PCDHGA6: variants seen among roughly 807,000 people sequenced by gnomAD.
The protein encoded by PCDHGA6 is protocadherin gamma-A6.
PCDHGA6 carries 41 observed loss-of-function variants against 60.6 expected under a neutral mutation model. The ratio of observed to expected loss-of-function variants is 0.68; its 90% CI spans 0.53 to 0.88. The LOEUF is 0.88. PCDHGA6 is among the 40% of genes least tolerant of loss of function. The pLI, the probability that PCDHGA6 is intolerant of heterozygous loss-of-function variation, is 0.00. For missense variants in PCDHGA6, 1,312 were observed against 1,203.0 expected (o/e 1.09, Z -1.34); for synonymous variants, 594 against 524.4 (o/e 1.13, Z -1.81).
intron 3 of PCDHGA6, among the ~76,000 whole-genome samples, chr5:141,506,454 A>G (rs2099853946): frequency 6.6e-6 from 1 of 151,844 alleles, no homozygotes; most frequent in African/African-American, 2.4e-5. Context: ...CAAAAAAAAA[A>G]AAAAAAAAAA....
intron 1 of PCDHGA6, among the ~76,000 whole-genome samples, chr5:141,450,304 T>C (rs759506660): frequency 1.3e-5 from 2 of 151,906 alleles, no homozygotes; most frequent in African/African-American, 2.4e-5. Flanking sequence ...TGAGCCACCA[T>C]GTGTGGCCTA....
chr5:141,452,701 G>A (rs2098747163), intron 1 of PCDHGA6, among the ~76,000 whole-genome samples: 1 of 151,838 alleles, frequency 6.6e-6, no homozygotes, highest in Non-Finnish European at 1.5e-5. Context: ...TGTCAAGAAA[G>A]AAAGGAAGGA....
At chr5:141,405,804 C>T (rs1277295024) in intron 1 of PCDHGA6, among the ~76,000 whole-genome samples, 1 of 146,338 alleles carries the variant, frequency 6.8e-6, no homozygotes, top group Non-Finnish European at 1.5e-5. Context: ...AGTTAGCTTT[C>T]TCTTTAACTG....
chr5:141,505,343 G>C (rs2099845454), intron 2 of PCDHGA6, 50 bp from the exon 3 acceptor site: 1 of 1,612,934 alleles, frequency 6.2e-7, no homozygotes, highest in Non-Finnish European at 8.5e-7. Context: ...GGAGGGGCAT[G>C]AGCTGTGCCG....
rs752660538 is a variant in PCDHGA6 at position 141,486,495 on chromosome 5, T to C, written c.2425-8312T>C. 1 of 1,614,074 alleles carries C rather than the reference T, an allele frequency of 6.2e-7. No individual in the cohort carries two copies. The highest frequency in any genetic ancestry group is 8.5e-7 in the Non-Finnish European group (1 of 1,179,922). On this transcript the variant is annotated intron_variant, in intron 1 of 3. Transcript: ENST00000517434. The surrounding 1 kb of genome is among the most constrained non-coding windows in gnomAD (Gnocchi z 5.0). ...CCTCCTCTCAGTACCCACAGAACTA[T>C]TTTCCTCAATATTTCAGATGTGAAT...
At position 141,476,456 on chromosome 5, in the gene PCDHGA6, A is replaced by C; in HGVS notation, c.2425-18351A>C. The C allele has an allele frequency of 6.2e-7, 1 of 1,614,058 alleles. No homozygotes were observed. Among genetic ancestry groups the C allele is most frequent in the Non-Finnish European group, 8.5e-7 (1 of 1,180,010 alleles). On this transcript the variant is annotated intron_variant, in intron 1 of 3. Transcript: ENST00000517434. The surrounding 1 kb of genome is among the most constrained non-coding windows in gnomAD (Gnocchi z 7.6). ...TGTAACTCTGGAGTTGGTAGTGGAGAACCCGCTGGAGCTGTTCAGCGTGGA... is the reference window on the plus strand; with the variant it reads ...TGTAACTCTGGAGTTGGTAGTGGAGCACCCGCTGGAGCTGTTCAGCGTGGA...
chr5:141,433,837 CAAA>C (rs56191208), intron 1 of PCDHGA6, among the ~76,000 whole-genome samples: 5 of 111,684 alleles, frequency 4.5e-5, no homozygotes, highest in Admixed American at 2.0e-4. Flanking sequence ...AACTCTATCT[CAAA>C]AAAAAAAAAA....
At chr5:141,395,036 G>A in intron 1 of PCDHGA6, 2 of 1,614,110 alleles carry the variant, frequency 1.2e-6, no homozygotes, top group Non-Finnish European at 8.5e-7. Context: ...CACATTTTGT[G>A]GGTGTTGAGG....
At chr5:141,410,419 T>TC (rs769125626) in intron 1 of PCDHGA6, 49 of 1,613,886 alleles carry the variant, frequency 3.0e-5, no homozygotes, top group Non-Finnish European at 3.6e-5. Context: ...GACCTGTAGT[T>TC]CCCCCCAACT....
chr5:141,415,684 A>G, intron 1 of PCDHGA6: 2 of 1,437,842 alleles, frequency 1.4e-6, no homozygotes, highest in Non-Finnish European at 1.9e-6. Flanking sequence ...TTGCGGCATG[A>G]TGGTGGAAAG....
chr5:141,390,275 C>G, intron 1 of PCDHGA6: 1 of 1,613,976 alleles, frequency 6.2e-7, no homozygotes, highest in Non-Finnish European at 8.5e-7. Context: ...AATTGACTTC[C>G]CATCAGGTGA....
At chr5:141,509,334 G>A (rs1184232270) in intron 3 of PCDHGA6, among the ~76,000 whole-genome samples, 1 of 152,186 alleles carries the variant, frequency 6.6e-6, no homozygotes, top group Non-Finnish European at 1.5e-5. Flanking sequence ...ACTGCCAGCT[G>A]GGCCTGGGCT....
chr5:141,399,056 A>G (rs945298198), intron 1 of PCDHGA6: 24 of 1,613,834 alleles, frequency 1.5e-5, no homozygotes, highest in African/African-American at 1.2e-4. Flanking sequence ...GAGACCAAGG[A>G]ATATTCAATG....
At chr5:141,438,591 C>CATATATATAT (rs946798767) in intron 1 of PCDHGA6, among the ~76,000 whole-genome samples, 17 of 75,552 alleles carry the variant, frequency 2.3e-4, no homozygotes, top group Non-Finnish European at 3.8e-4. Context: ...TACATACATA[C>CATATATATAT]ATATATATAT....
rs529029548 is a variant in PCDHGA6 at position 141,483,337 on chromosome 5, T to C, written c.2425-11470T>C. 9.2e-5 allele frequency among the ~76,000 whole-genome samples: 14 copies of C among 152,260 alleles called. No homozygotes were observed. In the East Asian group the frequency reaches 2.5e-3, roughly 27 times the overall value. On this transcript the variant is annotated intron_variant, in intron 1 of 3. Transcript: ENST00000517434. Reference sequence around the variant, plus strand: ...TGGGACTGGAGGCAAAGAGATCTTATCTCTTTGCAATAGTTTGAAAGCTAT... The same window carrying C: ...TGGGACTGGAGGCAAAGAGATCTTACCTCTTTGCAATAGTTTGAAAGCTAT...
chr5:141,413,880 T>G, intron 1 of PCDHGA6: 1 of 1,613,420 alleles, frequency 6.2e-7, no homozygotes, highest in Non-Finnish European at 8.5e-7. Flanking sequence ...TCAGTGTGAC[T>G]GTCTTCGATG....
At chr5:141,429,164 G>A (rs2097189096) in intron 1 of PCDHGA6, 1 of 131,392 alleles carries the variant, frequency 7.6e-6, no homozygotes, top group African/African-American at 3.1e-5. Flanking sequence ...CGGAGACATT[G>A]TTTATACACA....
At chr5:141,436,793 C>T (rs752376420) in intron 1 of PCDHGA6, among the ~76,000 whole-genome samples, 4 of 152,178 alleles carry the variant, frequency 2.6e-5, no homozygotes, top group Non-Finnish European at 5.9e-5. Flanking sequence ...TAAAACTGTT[C>T]TAAAATTTTT....
At chr5:141,413,357 G>A (rs2095629700) in intron 1 of PCDHGA6, 2 of 1,613,874 alleles carry the variant, frequency 1.2e-6, no homozygotes, top group South Asian at 1.1e-5. Flanking sequence ...CTGGCGCCCC[G>A]GGAGCTGGCG....
Sources: gnomAD v4.1 joint callset for allele counts (sites outside exome capture counted in the v4.1 genomes callset) on GRCh38, gnomAD v4.1.1 for gene constraint, Gnocchi (gnomAD v3.1) non-coding constraint, MANE v1.5 for transcripts, NCBI Gene and HGNC (gene_info 2026-07-23, HGNC 2026-07-21) for gene names.